ZFHX3: variants seen among roughly 807,000 people sequenced by gnomAD.
The protein encoded by ZFHX3 is zinc finger homeobox 3, also known as zinc finger homeobox protein 3.
A neutral mutation model predicts 279.1 loss-of-function variants in ZFHX3; 42 were observed. The observed-to-expected ratio is 0.15, with a 90% CI of 0.12 to 0.19. ZFHX3 has a LOEUF of 0.19. Among genes scored for constraint, ZFHX3 ranks in the 10% least tolerant of loss-of-function variants. The pLI, the probability that ZFHX3 is intolerant of heterozygous loss-of-function variation, is 1.00. For missense variants in ZFHX3, 4,981 were observed against 4,754.0 expected (o/e 1.05, Z -1.40); for synonymous variants, 2,293 against 1,957.8 (o/e 1.17, Z -4.52).
In ZFHX3 at chr16:72,797,297, G is replaced by A. The variant is rs757754843; in HGVS notation, c.5385C>T (p.His1795=). The change falls in exon 9 of 10, where the codon CAC becomes CAT. Residue 1795 remains histidine (H), a synonymous_variant. Coordinates refer to ENST00000268489, the MANE Select transcript of ZFHX3 (RefSeq NM_006885.4). Reference sequence around the variant, plus strand: ...TGGGGATGTAGAAAGGGAAGAGGAGGTGCTGCTGCTGCTGTAGTTGCAGCA... The same window carrying A: ...TGGGGATGTAGAAAGGGAAGAGGAGATGCTGCTGCTGCTGTAGTTGCAGCA... ...ETLLQLQQQQ[H]LLFPFYIPSA... 1.2e-6 allele frequency: 2 copies of A among 1,607,994 alleles called. No homozygotes were observed. Among genetic ancestry groups the A allele is most frequent in the Admixed American group, 3.4e-5 (2 of 59,648 alleles).
At chr16:73,156,719 CT>C (rs1299587492) in intron 5 of ZFHX3, among the ~76,000 whole-genome samples, 2 of 124,908 alleles carry the variant, frequency 1.6e-5, no homozygotes, top group African/African-American at 6.5e-5. Context: ...CCATGTCTGG[CT>C]AATTTTTTTT....
chr16:73,041,139 C>G (rs1049895666), intron 1 of ZFHX3, among the ~76,000 whole-genome samples: 1 of 152,316 alleles, frequency 6.6e-6, no homozygotes, highest in East Asian at 1.9e-4. Flanking sequence ...CTGTTTTATT[C>G]TGTAATTATT....
intron 2 of ZFHX3, among the ~76,000 whole-genome samples, chr16:73,491,368 CT>C (rs747168314): frequency 6.6e-6 from 1 of 152,224 alleles, no homozygotes; most frequent in Non-Finnish European, 1.5e-5. Flanking sequence ...CTTCAATTCA[CT>C]GCAAAGGTGC....
At chr16:73,487,434 G>A (rs369326423) in intron 2 of ZFHX3, 11 of 423,064 alleles carry the variant, frequency 2.6e-5, no homozygotes, top group African/African-American at 1.9e-4. Context: ...GCAGAGTCTC[G>A]ATCTGTTGCC....
chr16:73,691,107 G>A (rs769199711), intron 1 of ZFHX3, among the ~76,000 whole-genome samples: 4 of 152,138 alleles, frequency 2.6e-5, no homozygotes, highest in Non-Finnish European at 5.9e-5. Context: ...AGGGTCTCTT[G>A]GTTATTAACA....
intron 5 of ZFHX3, among the ~76,000 whole-genome samples, chr16:73,184,139 C>A (rs1375651594): frequency 6.6e-6 from 1 of 152,020 alleles, no homozygotes; most frequent in Non-Finnish European, 1.5e-5. Flanking sequence ...GTGACCAGAC[C>A]CTCCCTTCTG....
intron 2 of ZFHX3, chr16:73,487,813 C>T (rs1055885665): frequency 6.4e-6 from 1 of 156,740 alleles, no homozygotes; most frequent in African/African-American, 2.4e-5. Flanking sequence ...TTGAAAAGTG[C>T]TCATTCATCG....
rs116200557 is a variant in ZFHX3 at position 73,308,542 on chromosome 16, G to A, written c.-1194+9698C>T. 2.2e-3 allele frequency among the ~76,000 whole-genome samples: 331 copies of A among 151,912 alleles called. 1 individual carries two copies. Among genetic ancestry groups the A allele is most frequent in the African/African-American group, 7.8e-3 (323 of 41,472 alleles). ...CTGACCAGGTGGGAGTTCACCAGAT[G>A]GTGATCCACCCACCTTGGCCTCCCA... On this transcript the variant is annotated intron_variant, in intron 4 of 17. Coordinates refer to the ZFHX3 transcript ENST00000641206.
intron 2 of ZFHX3, among the ~76,000 whole-genome samples, chr16:73,465,651 G>T (rs1008981633): frequency 6.6e-6 from 1 of 152,160 alleles, no homozygotes; most frequent in Admixed American, 6.5e-5. Context: ...CCCCTCTGCT[G>T]TTTCAGAACA....
intron 4 of ZFHX3, among the ~76,000 whole-genome samples, chr16:72,885,482 C>T (rs947778234): frequency 2.0e-5 from 3 of 152,246 alleles, no homozygotes; most frequent in Non-Finnish European, 4.4e-5. Context: ...TGGCAGGCTA[C>T]ATGATGAACT....
At chr16:73,346,941 T>G (rs138944899) in intron 3 of ZFHX3, among the ~76,000 whole-genome samples, 1 of 152,232 alleles carries the variant, frequency 6.6e-6, no homozygotes, top group African/African-American at 2.4e-5. Flanking sequence ...ATAATGATGA[T>G]TCCAATTAAT....
chr16:73,868,176 T>A (rs887164922), intron 1 of ZFHX3, among the ~76,000 whole-genome samples: 1 of 152,134 alleles, frequency 6.6e-6, no homozygotes, highest in African/African-American at 2.4e-5. Flanking sequence ...ATACAGACAA[T>A]AGAAAACCTG....
At chr16:73,004,159 CTTT>C (rs3081625) in intron 1 of ZFHX3, among the ~76,000 whole-genome samples, 38 of 49,364 alleles carry the variant, frequency 7.7e-4, no homozygotes, top group East Asian at 2.5e-3. Flanking sequence ...AAAAACACGA[CTTT>C]TTTTTTTTTT....
chr16:73,208,354 A>G (rs982616231), intron 5 of ZFHX3, among the ~76,000 whole-genome samples: 1 of 152,218 alleles, frequency 6.6e-6, no homozygotes, highest in African/African-American at 2.4e-5. Flanking sequence ...AACCATGTAC[A>G]CAATATATCA....
intron 1 of ZFHX3, among the ~76,000 whole-genome samples, chr16:73,884,599 G>A (rs2030287002): frequency 1.3e-5 from 2 of 152,188 alleles, no homozygotes; most frequent in Non-Finnish European, 2.9e-5. Context: ...AACCACAGAT[G>A]ACTATTCCCG....
chr16:73,166,331 C>T (rs982089355), intron 5 of ZFHX3, among the ~76,000 whole-genome samples: 11 of 152,072 alleles, frequency 7.2e-5, no homozygotes, highest in African/African-American at 2.7e-4. Context: ...GAAGAGATTC[C>T]GAGTCGGGTT....
At chr16:73,363,493 C>T (rs147283216) in intron 3 of ZFHX3, among the ~76,000 whole-genome samples, 349 of 152,112 alleles carry the variant, frequency 2.3e-3, no homozygotes, top group South Asian at 5.8e-3. Context: ...ATGCACTCAA[C>T]GTAGATTTGT....
chr16:73,556,815 G>A (rs825692), intron 2 of ZFHX3, among the ~76,000 whole-genome samples: 21,813 of 151,702 alleles, frequency 0.14, 1,601 homozygotes, highest in Middle Eastern at 0.2. Context: ...CCTCAGTGAG[G>A]CCGGGCGCGG....
intron 1 of ZFHX3, among the ~76,000 whole-genome samples, chr16:73,000,917 T>G (rs1963471861): frequency 6.6e-6 from 1 of 152,296 alleles, no homozygotes; most frequent in South Asian, 2.1e-4. Context: ...TTCCTGACAC[T>G]TGAACAAACT....
Sources: allele counts gnomAD v4.1 joint callset (sites outside exome capture counted in the v4.1 genomes callset), GRCh38; gene constraint gnomAD v4.1.1; transcripts MANE v1.5; gene names NCBI Gene and HGNC (gene_info 2026-07-23, HGNC 2026-07-21).